Variants in APBB2 observed in about 807,000 individuals in gnomAD.
APBB2 encodes the protein Fe65-like 1.
Under a neutral mutation model 82.5 loss-of-function variants are expected in APBB2, and 38 were observed. The ratio of observed to expected loss-of-function variants is 0.46; its 90% CI spans 0.36 to 0.60. The LOEUF (loss-of-function observed/expected upper bound fraction) is 0.60, where lower values mean the gene tolerates loss of function less well. Among genes scored for constraint, APBB2 ranks in the 20% least tolerant of loss-of-function variants. APBB2 has a pLI of 0.00. For missense variants in APBB2, 772 were observed against 972.3 expected, an observed-to-expected ratio of 0.79 and a Z score of 2.74; for synonymous variants, 341 against 368.2, an observed-to-expected ratio of 0.93 and a Z score of 0.85.
At chr4:41,149,849 G>A (rs1761779880) in intron 1 of APBB2, among the ~76,000 whole-genome samples, 1 of 152,124 alleles carries the variant, frequency 6.6e-6, no homozygotes, top group Non-Finnish European at 1.5e-5. Context: ...GTTTTATAAA[G>A]AGCAATTCCC....
chr4:40,967,322 C>T (rs370465874), intron 6 of APBB2, among the ~76,000 whole-genome samples: 1 of 152,200 alleles, frequency 6.6e-6, no homozygotes, highest in Non-Finnish European at 1.5e-5. Flanking sequence ...GCTGAAAGAG[C>T]TGTAACACAA....
chr4:40,830,846 ATTGT>A (rs1191335599), intron 12 of APBB2, among the ~76,000 whole-genome samples: 2 of 152,104 alleles, frequency 1.3e-5, no homozygotes, highest in Non-Finnish European at 1.5e-5. Context: ...AGGTAAGATG[ATTGT>A]TTGAGGCCAG....
At chr4:40,988,898 T>G (rs1801199535) in intron 6 of APBB2, among the ~76,000 whole-genome samples, 1 of 151,498 alleles carries the variant, frequency 6.6e-6, no homozygotes, top group Admixed American at 6.6e-5. Context: ...CCCAAGTAGC[T>G]GGGATTACTG....
rs1271439534 is a variant in APBB2 at position 40,954,463 on chromosome 4, G to A, written c.836-9390C>T. On this transcript the variant is annotated intron_variant, in intron 6 of 17. Coordinates refer to ENST00000508593, the MANE Select transcript of APBB2 (RefSeq NM_004307.2). ...GTGCCAGACACTGGTTTAAAGCTAGGGGTGCAGAGGTGATGACAATAGATG... is the reference window on the plus strand; with the variant it reads ...GTGCCAGACACTGGTTTAAAGCTAGAGGTGCAGAGGTGATGACAATAGATG... 8.5e-5 allele frequency among the ~76,000 whole-genome samples: 13 copies of A among 152,112 alleles called. No individual in the cohort carries two copies. In the South Asian group the frequency reaches 2.5e-3, roughly 29 times the overall value.
At chr4:40,984,384 T>C (rs115653999) in intron 6 of APBB2, among the ~76,000 whole-genome samples, 3,668 of 152,176 alleles carry the variant, frequency 0.024, 152 homozygotes, top group African/African-American at 0.084. Context: ...ACTTAATTTC[T>C]GAGAAAAACA....
chr4:40,909,231 C>A (rs1578361338), intron 10 of APBB2, among the ~76,000 whole-genome samples: 1 of 152,198 alleles, frequency 6.6e-6, no homozygotes, highest in Non-Finnish European at 1.5e-5. Context: ...ATCATCAGCA[C>A]GTTATGAACA....
intron 12 of APBB2, among the ~76,000 whole-genome samples, chr4:40,853,963 T>C (rs1446126017): frequency 6.6e-6 from 1 of 152,182 alleles, no homozygotes; most frequent in East Asian, 1.9e-4. Context: ...TTCCGGCTTA[T>C]CTCCTGCCTC....
chr4:41,105,841 G>A lies in APBB2; in HGVS notation c.-260-5091C>T, dbSNP rs749413320. Among the ~76,000 whole-genome samples, 16 of 149,862 alleles carry A rather than the reference G, an allele frequency of 1.1e-4. 1 individual carries two copies. Among genetic ancestry groups the A allele is most frequent in the Non-Finnish European group, 1.8e-4 (12 of 67,788 alleles). ...GCGGAGCTTGCGGTGAGCCCAGATA[G>A]CGCCACTGCACTCCAGCCTGGGCGA... On this transcript the variant is annotated intron_variant, in intron 2 of 17. Coordinates refer to ENST00000508593, the MANE Select transcript of APBB2 (RefSeq NM_004307.2).
chr4:40,811,516 C>A lies in APBB2; in HGVS notation c.*4576G>T, dbSNP rs1228587804. ...GTGGTGAGCTGAAATTACACCACTG[C>A]ACTCCAGAGTAAGACTCCTCTGTCT... is the stretch of plus-strand genomic sequence containing the variant. On this transcript the variant is annotated 3_prime_UTR_variant, in exon 18 of 18. Transcript: ENST00000508593. 1 of 34,948 alleles carries A rather than the reference C, an allele frequency of 2.9e-5. No homozygotes were observed. The highest frequency in any genetic ancestry group is 3.7e-4 in the Admixed American group (1 of 2,690). 2.2% of individuals were successfully genotyped at this position (34,948 alleles called of 1,614,324 possible). A position where few individuals can be genotyped will look rare whatever the true frequency, so the allele number is the denominator to read the frequency against.
intron 12 of APBB2, among the ~76,000 whole-genome samples, chr4:40,889,905 T>A (rs1771477467): frequency 6.6e-6 from 1 of 152,216 alleles, no homozygotes; most frequent in Admixed American, 6.5e-5. Flanking sequence ...CATGATTTAA[T>A]GACCTGAGGC....
intron 1 of APBB2, among the ~76,000 whole-genome samples, chr4:41,163,838 G>A (rs1053149066): frequency 3.3e-5 from 5 of 152,140 alleles, no homozygotes; most frequent in African/African-American, 9.7e-5. Flanking sequence ...AGAAATTCAA[G>A]TCTAAAAATT....
intron 12 of APBB2, among the ~76,000 whole-genome samples, chr4:40,874,076 A>G (rs1340209085): frequency 6.6e-6 from 1 of 152,252 alleles, no homozygotes; most frequent in Non-Finnish European, 1.5e-5. Flanking sequence ...TATAAGGAAG[A>G]GAAAGTAATT....
chr4:41,107,647 G>A (rs925925851), intron 2 of APBB2, among the ~76,000 whole-genome samples: 2 of 152,202 alleles, frequency 1.3e-5, no homozygotes, highest in Non-Finnish European at 2.9e-5. Context: ...GCTCAACCAA[G>A]TGGTGCTCGG....
chr4:41,005,975 A>G (rs2154424496), intron 6 of APBB2, among the ~76,000 whole-genome samples: 1 of 152,274 alleles, frequency 6.6e-6, no homozygotes, highest in South Asian at 2.1e-4. Context: ...TCCACCTTGA[A>G]TACATCTGCT....
At chr4:41,053,933 T>C (rs1045546180) in intron 4 of APBB2, among the ~76,000 whole-genome samples, 1 of 152,228 alleles carries the variant, frequency 6.6e-6, no homozygotes, top group African/African-American at 2.4e-5. Context: ...TATAAGGCTG[T>C]CACAATAATG....
intron 7 of APBB2, among the ~76,000 whole-genome samples, chr4:40,944,295 T>C (rs1391876484): frequency 6.6e-6 from 1 of 152,228 alleles, no homozygotes; most frequent in Non-Finnish European, 1.5e-5. Context: ...TGTTTAAACA[T>C]CCAGATTTCT....
intron 1 of APBB2, among the ~76,000 whole-genome samples, chr4:41,196,203 C>G: frequency 6.6e-6 from 1 of 152,046 alleles, no homozygotes; most frequent in Admixed American, 6.5e-5. Flanking sequence ...CCCATGATCA[C>G]CCATCCCCCC....
At chr4:40,862,813 T>C (rs368745143) in intron 12 of APBB2, among the ~76,000 whole-genome samples, 23 of 149,876 alleles carry the variant, frequency 1.5e-4, no homozygotes, top group African/African-American at 5.4e-4. Context: ...GAGCCGAGAT[T>C]GTGCCACTGC....
chr4:40,971,877 G>T (rs1345775829), intron 6 of APBB2, among the ~76,000 whole-genome samples: 1 of 152,096 alleles, frequency 6.6e-6, no homozygotes, highest in East Asian at 1.9e-4. Flanking sequence ...GGTATGAAAA[G>T]CCTATAGTGC....
Sources: allele counts gnomAD v4.1 joint callset (sites outside exome capture counted in the v4.1 genomes callset), GRCh38; gene constraint gnomAD v4.1.1; transcripts MANE v1.5; gene names NCBI Gene and HGNC (gene_info 2026-07-23, HGNC 2026-07-21).